Variants in OPCML observed in about 807,000 individuals in gnomAD.
OPCML encodes opioid binding protein/cell adhesion molecule like, also known as opioid-binding protein/cell adhesion molecule.
A neutral mutation model predicts 37.8 loss-of-function variants in OPCML; 13 were observed. The observed-to-expected ratio is 0.34, with a 90% CI of 0.22 to 0.55. OPCML has a LOEUF of 0.55. Ranked by LOEUF, OPCML falls within the 20% of genes least tolerant of loss-of-function variation. The pLI, the probability that OPCML is intolerant of heterozygous loss-of-function variation, is 0.91. For missense variants in OPCML, 341 were observed against 435.6 expected (o/e 0.78, Z 1.93); for synonymous variants, 176 against 168.8 (o/e 1.04, Z -0.33).
At chr11:132,837,582 A>T (rs1047075068) in intron 2 of OPCML, among the ~76,000 whole-genome samples, 1 of 152,222 alleles carries the variant, frequency 6.6e-6, no homozygotes, top group African/African-American at 2.4e-5. Flanking sequence ...ATATGTTAAC[A>T]AACCAGAGAA....
At chr11:132,490,138 T>C (rs1302310194) in intron 4 of OPCML, among the ~76,000 whole-genome samples, 1 of 152,020 alleles carries the variant, frequency 6.6e-6, no homozygotes, top group African/African-American at 2.4e-5. Context: ...GTGAACATTG[T>C]CTGTGGCCCA....
chr11:133,072,875 G>A (rs7929651), intron 1 of OPCML, among the ~76,000 whole-genome samples: 75,890 of 152,104 alleles, frequency 0.5, 21,137 homozygotes, highest in African/African-American at 0.73. Context: ...GGTTTTACTG[G>A]GACAGCACAT....
chr11:133,126,815 C>T (rs1300136240), intron 1 of OPCML, among the ~76,000 whole-genome samples: 1 of 152,056 alleles, frequency 6.6e-6, no homozygotes, highest in Non-Finnish European at 1.5e-5. Context: ...GGATTCGAAG[C>T]CATAGGGACC....
intron 3 of OPCML, among the ~76,000 whole-genome samples, chr11:132,647,423 A>C (rs1056718204): frequency 6.6e-6 from 1 of 152,228 alleles, no homozygotes; most frequent in Non-Finnish European, 1.5e-5. Context: ...GAAAATCTGC[A>C]AATAACTTTG....
chr11:132,491,880 G>A (rs1441699716), intron 4 of OPCML, among the ~76,000 whole-genome samples: 2 of 151,418 alleles, frequency 1.3e-5, no homozygotes, highest in Admixed American at 6.6e-5. Context: ...TGGAGATATC[G>A]TAGGAACTTG....
chr11:132,930,795 T>C (rs1014853527), intron 2 of OPCML, among the ~76,000 whole-genome samples: 3 of 152,158 alleles, frequency 2.0e-5, no homozygotes, highest in African/African-American at 4.8e-5. Flanking sequence ...ACCCATGCCA[T>C]TGAAATAGAA....
chr11:133,152,318 G>A (rs1174182683), intron 1 of OPCML, among the ~76,000 whole-genome samples: 1 of 152,174 alleles, frequency 6.6e-6, no homozygotes, highest in African/African-American at 2.4e-5. Context: ...CTTATCAACA[G>A]TAGGCAAAAC....
chr11:132,994,458 G>A (rs919213492), intron 1 of OPCML, among the ~76,000 whole-genome samples: 2 of 152,124 alleles, frequency 1.3e-5, no homozygotes, highest in Non-Finnish European at 2.9e-5. Context: ...CCGTGCAGGC[G>A]CCTCGTGGGT....
At chr11:132,922,527 C>T (rs1944842436) in intron 2 of OPCML, among the ~76,000 whole-genome samples, 1 of 152,042 alleles carries the variant, frequency 6.6e-6, no homozygotes, top group South Asian at 2.1e-4. Flanking sequence ...AGGAGGGCGG[C>T]AGAGTGGCTG....
chr11:132,987,725 G>A (rs918497825), intron 1 of OPCML, among the ~76,000 whole-genome samples: 4 of 152,112 alleles, frequency 2.6e-5, no homozygotes, highest in African/African-American at 9.7e-5. Flanking sequence ...GGAGAAAAAG[G>A]AAGCATAGCG....
At chr11:133,217,509 G>A (rs1939633554) in intron 1 of OPCML, among the ~76,000 whole-genome samples, 1 of 152,138 alleles carries the variant, frequency 6.6e-6, no homozygotes, top group South Asian at 2.1e-4. Flanking sequence ...ACCCATGAAG[G>A]TGACCAGAGG....
chr11:133,371,843 A>C (rs2136753438), intron 1 of OPCML, among the ~76,000 whole-genome samples: 1 of 152,362 alleles, frequency 6.6e-6, no homozygotes, highest in African/African-American at 2.4e-5. Context: ...TTTGGCCATT[A>C]AAAAGAATGA....
chr11:133,497,775 C>T (rs1253437840), intron 1 of OPCML, among the ~76,000 whole-genome samples: 1 of 152,186 alleles, frequency 6.6e-6, no homozygotes, highest in African/African-American at 2.4e-5. Flanking sequence ...CAAAAGGCTG[C>T]AAACTGTCTT....
intron 7 of OPCML, among the ~76,000 whole-genome samples, chr11:132,430,025 G>A (rs1345204759): frequency 6.6e-6 from 1 of 152,176 alleles, no homozygotes; most frequent in African/African-American, 2.4e-5. Flanking sequence ...AGGGGCTCTG[G>A]CACTGAGACG....
chr11:133,409,178 C>T (rs116604633), intron 1 of OPCML, among the ~76,000 whole-genome samples: 2,421 of 152,244 alleles, frequency 0.016, 52 homozygotes, highest in African/African-American at 0.054. Flanking sequence ...ATACCCACTT[C>T]GCAGATGAGG....
intron 2 of OPCML, among the ~76,000 whole-genome samples, chr11:132,920,514 C>T (rs1021098508): frequency 6.6e-6 from 1 of 152,154 alleles, no homozygotes; most frequent in African/African-American, 2.4e-5. Context: ...TGGATCGCAG[C>T]CCCCCTGGAG....
In OPCML at chr11:133,049,174, T is replaced by G. The variant is rs187239264; in HGVS notation, c.62-106164A>C. Among the ~76,000 whole-genome samples the G allele has an allele frequency of 9.4e-4, 143 of 152,328 alleles. 1 individual carries two copies. Among genetic ancestry groups the G allele is most frequent in the Non-Finnish European group, 1.5e-3 (104 of 68,036 alleles). On this transcript the variant is annotated intron_variant, in intron 1 of 7. Coordinates refer to ENST00000524381, the MANE Select transcript of OPCML (RefSeq NM_001012393.5). ...TGTGAGTGTAACATTGGATTCTATG[T>G]GATTTTCAGATTTCCAAGACTATTA...
At chr11:132,513,823 C>T (rs765057066) in intron 4 of OPCML, among the ~76,000 whole-genome samples, 3 of 152,170 alleles carry the variant, frequency 2.0e-5, no homozygotes, top group Admixed American at 6.5e-5. Context: ...CACTAATGCA[C>T]CCACTTTTAT....
chr11:133,239,144 G>T (rs908977091), intron 1 of OPCML, among the ~76,000 whole-genome samples: 4 of 152,278 alleles, frequency 2.6e-5, no homozygotes, highest in Non-Finnish European at 5.9e-5. Flanking sequence ...CTGACAAAGT[G>T]CACTAGATAA....
Sources: gnomAD v4.1 joint callset for allele counts (sites outside exome capture counted in the v4.1 genomes callset) on GRCh38, gnomAD v4.1.1 for gene constraint, MANE v1.5 for transcripts, NCBI Gene and HGNC (gene_info 2026-07-23, HGNC 2026-07-21) for gene names.